The following SYCP1 variants were observed in gnomAD, a reference collection of about 807,000 sequenced individuals.
SYCP1 encodes the protein synaptonemal complex protein 1.
A neutral mutation model predicts 153.1 loss-of-function variants in SYCP1; 64 were observed. That is an observed-to-expected ratio of 0.42 (90% CI 0.34 to 0.51). The LOEUF (loss-of-function observed/expected upper bound fraction) is 0.51, where lower values mean the gene tolerates loss of function less well. SYCP1 is among the 20% of genes least tolerant of loss of function. The probability of loss-of-function intolerance (pLI) is 0.06; values close to 1 mark genes in which losing one functional copy is unlikely to be tolerated. For missense variants in SYCP1, 997 were observed against 1,049.0 expected (o/e 0.95, Z 0.68); for synonymous variants, 384 against 341.8 (o/e 1.12, Z -1.36).
At chr1:114,877,538 G>A (rs1295520861) in intron 11 of SYCP1, among the ~76,000 whole-genome samples, 1 of 152,122 alleles carries the variant, frequency 6.6e-6, no homozygotes, top group Non-Finnish European at 1.5e-5. Context: ...AGTACAGAGA[G>A]GATAATAAAA....
At chr1:114,941,569 C>T (rs1426497853) in intron 23 of SYCP1, among the ~76,000 whole-genome samples, 2 of 151,930 alleles carry the variant, frequency 1.3e-5, no homozygotes, top group Admixed American at 6.6e-5. Flanking sequence ...TACATTATCT[C>T]CTTTATCTCT....
chr1:114,910,636 A>G (rs1668114211), intron 17 of SYCP1, 135 bp downstream of exon 17: 5 of 515,252 alleles, frequency 9.7e-6, no homozygotes, highest in Non-Finnish European at 1.6e-5. Flanking sequence ...TTACATTAAT[A>G]TATTTATGAT....
intron 14 of SYCP1, 131 bp downstream of exon 14, chr1:114,886,440 T>C (rs1666313321): frequency 1.4e-6 from 1 of 710,870 alleles, no homozygotes; most frequent in African/African-American, 1.9e-5. Flanking sequence ...TCAGGTCTCA[T>C]GTATAAAGTG....
chr1:114,891,617 C>T (rs993458783), intron 15 of SYCP1, among the ~76,000 whole-genome samples: 2 of 152,148 alleles, frequency 1.3e-5, no homozygotes, highest in South Asian at 2.1e-4. Context: ...ATGCGTTGCC[C>T]ATCTTCAATT....
At chr1:114,924,849 T>C (rs568153111) in intron 21 of SYCP1, among the ~76,000 whole-genome samples, 60 of 152,050 alleles carry the variant, frequency 3.9e-4, no homozygotes, top group Non-Finnish European at 7.2e-4. Flanking sequence ...TTTGAGGTCA[T>C]TGAAGAATTT....
intron 27 of SYCP1, among the ~76,000 whole-genome samples, chr1:114,963,535 C>A (rs1291615419): frequency 1.3e-5 from 2 of 152,064 alleles, no homozygotes; most frequent in Admixed American, 1.3e-4. Context: ...GCCCCCAACC[C>A]CTGACAGACC....
intron 20 of SYCP1, among the ~76,000 whole-genome samples, chr1:114,922,191 CT>C (rs1668937809): frequency 6.6e-6 from 1 of 152,094 alleles, no homozygotes; most frequent in African/African-American, 2.4e-5. Context: ...GGGAAGTTCT[CT>C]GTTATTATCC....
intron 23 of SYCP1, among the ~76,000 whole-genome samples, chr1:114,932,762 C>A (rs1557811494): frequency 6.6e-6 from 1 of 152,252 alleles, no homozygotes; most frequent in South Asian, 2.1e-4. Context: ...ATATCCCTTG[C>A]CTGGCTGGGA....
chr1:114,956,426 C>T (rs898677631), intron 27 of SYCP1, among the ~76,000 whole-genome samples: 9 of 152,194 alleles, frequency 5.9e-5, no homozygotes, highest in Non-Finnish European at 1.3e-4. Flanking sequence ...TCCTGCTACA[C>T]TTAGGAAACT....
chr1:114,917,455 T>A (rs1570766616), intron 20 of SYCP1, among the ~76,000 whole-genome samples: 1 of 152,128 alleles, frequency 6.6e-6, no homozygotes, highest in African/African-American at 2.4e-5. Context: ...ATTAACAGAG[T>A]GCAAATGTCT....
At chr1:114,862,631 G>A (rs532998046) in intron 8 of SYCP1, among the ~76,000 whole-genome samples, 5 of 152,218 alleles carry the variant, frequency 3.3e-5, no homozygotes, top group South Asian at 4.1e-4. Flanking sequence ...GAGCCACTGC[G>A]CTGGGCGATA....
chr1:114,975,640 T>C (rs1467512824), intron 27 of SYCP1, among the ~76,000 whole-genome samples: 11 of 151,768 alleles, frequency 7.2e-5, no homozygotes, highest in Non-Finnish European at 1.5e-4. Context: ...AATATGACAA[T>C]CCCCACTTTA....
intron 28 of SYCP1, among the ~76,000 whole-genome samples, chr1:114,979,910 T>C (rs1360372462): frequency 6.6e-6 from 1 of 151,868 alleles, no homozygotes; most frequent in Non-Finnish European, 1.5e-5. Context: ...GATTTTTTTA[T>C]AGTACATGTA....
intron 8 of SYCP1, among the ~76,000 whole-genome samples, chr1:114,869,243 T>G (rs1206107979): frequency 6.6e-6 from 1 of 152,208 alleles, no homozygotes; most frequent in Non-Finnish European, 1.5e-5. Context: ...AATTTTCATT[T>G]AGTTCAAAAT....
intron 8 of SYCP1, among the ~76,000 whole-genome samples, chr1:114,869,032 C>T (rs1175807633): frequency 1.3e-5 from 2 of 151,958 alleles, no homozygotes; most frequent in African/African-American, 2.4e-5. Flanking sequence ...TCTGTTTCCA[C>T]TTTCATGGTT....
At chr1:114,868,126 T>G (rs1664884175) in intron 8 of SYCP1, among the ~76,000 whole-genome samples, 1 of 151,876 alleles carries the variant, frequency 6.6e-6, no homozygotes. Context: ...ATAATTTTTT[T>G]TATACTTTTT....
chr1:114,888,736 G>A (rs753206157), intron 15 of SYCP1, among the ~76,000 whole-genome samples: 1 of 151,704 alleles, frequency 6.6e-6, no homozygotes, highest in Non-Finnish European at 1.5e-5. Context: ...TTAAGTTCTA[G>A]GGTACATGTG....
At chr1:114,931,794 G>C (rs895297083) in intron 23 of SYCP1, among the ~76,000 whole-genome samples, 2 of 152,062 alleles carry the variant, frequency 1.3e-5, no homozygotes, top group Admixed American at 6.6e-5. Context: ...GGAAGATTTA[G>C]GTTGCCTGAT....
At position 114,979,542 on chromosome 1, in the gene SYCP1, T is replaced by A. The variant is rs991369688; in HGVS notation, c.2383-1794T>A. On this transcript the variant is annotated intron_variant, in intron 28 of 31. Coordinates refer to ENST00000369522, the MANE Select transcript of SYCP1 (RefSeq NM_003176.4). ...TTCTCCTACCTGTAGGGAGGAACAA[T>A]TTGTCCATTAAAGCAGTTACATTTT... Among the ~76,000 whole-genome samples the A allele has an allele frequency of 2.0e-5, 3 of 151,716 alleles. No homozygotes were observed. In the South Asian group the frequency reaches 6.2e-4, roughly 31 times the overall value.
Sources: allele counts gnomAD v4.1 joint callset (sites outside exome capture counted in the v4.1 genomes callset), GRCh38; gene constraint gnomAD v4.1.1; transcripts MANE v1.5; gene names NCBI Gene and HGNC (gene_info 2026-07-23, HGNC 2026-07-21).